FANCA: variants seen among roughly 807,000 people sequenced by gnomAD.
FANCA encodes Fanconi anemia group A protein.
In FANCA, 236 loss-of-function variants were observed where a neutral mutation model predicts 194.3. The observed-to-expected ratio is 1.21, with a 90% CI of 1.09 to 1.35. The LOEUF (loss-of-function observed/expected upper bound fraction) is 1.35. Among genes scored for constraint, FANCA ranks in the 40% most tolerant of loss-of-function variants. The pLI is 0.00. For missense variants in FANCA, 2,628 were observed against 1,813.9 expected (o/e 1.45, Z -8.15); for synonymous variants, 1,014 against 715.8 (o/e 1.42, Z -6.65).
Position 89,792,426 on chromosome 16 carries a change from C to T in FANCA, c.1083+45G>A, listed in dbSNP as rs964165403. 5 of 1,580,446 alleles carry T rather than the reference C, an allele frequency of 3.2e-6. 1 individual carries two copies. In the African/African-American group the frequency reaches 6.7e-5, roughly 21 times the overall value. On this transcript the variant is annotated intron_variant, in intron 12 of 42. Transcript: ENST00000389301. ...ACAAGTACTAGGCAGATCTTAATCC[C>T]CCCGCCACGAGCTCAGAAGCAGGTA... is the stretch of plus-strand genomic sequence containing the variant.
intron 14 of FANCA, 68 bp from the exon 15 acceptor site, chr16:89,785,032 G>C: frequency 6.2e-6 from 7 of 1,130,918 alleles, no homozygotes; most frequent in South Asian, 2.5e-5. Context: ...GCAGTGTCCT[G>C]TGTGGAGAGA....
intron 6 of FANCA, 42 bp from the exon 7 acceptor site, chr16:89,805,434 C>G (rs780082205): frequency 6.6e-7 from 1 of 1,506,896 alleles, no homozygotes; most frequent in Non-Finnish European, 9.2e-7. Context: ...TCAACTAAAT[C>G]CCATCATCAG....
chr16:89,781,782 G>T (rs1285144488), intron 17 of FANCA, among the ~76,000 whole-genome samples: 17 of 150,602 alleles, frequency 1.1e-4, no homozygotes, highest in Admixed American at 1.1e-3. Flanking sequence ...GGCGGATCAC[G>T]AGGTCAGGAG....
intron 28 of FANCA, chr16:89,762,885 G>A (rs2038999127): frequency 3.1e-6 from 1 of 319,854 alleles, no homozygotes; most frequent in Non-Finnish European, 6.5e-6. Context: ...GGCAGATCAC[G>A]AGGTCAGCAG....
intron 2 of FANCA, among the ~76,000 whole-genome samples, chr16:89,815,284 AC>A (rs1215189804): frequency 7.8e-6 from 1 of 128,066 alleles, no homozygotes; most frequent in Non-Finnish European, 1.6e-5. Context: ...TGATCTACCC[AC>A]TTCGGCCTCC....
rs2143678081 is a variant in FANCA, at chr16:89,810,808, AAG to A, written c.427-8_427-7del. The A allele has an allele frequency of 4.3e-6, 7 of 1,612,720 alleles. No homozygotes were observed. Among genetic ancestry groups the A allele is most frequent in the Non-Finnish European group, 5.9e-6 (7 of 1,178,636 alleles). ...AACAGGGAAGACAGCTTCTTCTGAA[AAG>A]AGAGATTACATTTTTTAAAAAACAA... On this transcript the variant is annotated splice_polypyrimidine_tract_variant and splice_region_variant and intron_variant, in intron 4 of 42. Transcript: ENST00000389301.
chr16:89,778,928 G>T lies in FANCA; in HGVS notation c.1776+15C>A. On this transcript the variant is annotated intron_variant, in intron 19 of 42. Transcript: ENST00000389301. ...CTACACAACTGGTCACAAACTCATG[G>T]AGACGCATACTGACCACTCGAGGTG... is the stretch of plus-strand genomic sequence containing the variant. 1 of 1,614,164 alleles carries T rather than the reference G, an allele frequency of 6.2e-7. No homozygotes were observed. The highest frequency in any genetic ancestry group is 8.5e-7 in the Non-Finnish European group (1 of 1,180,020).
chr16:89,753,351 G>T (rs1401201388), intron 30 of FANCA, among the ~76,000 whole-genome samples: 1 of 152,158 alleles, frequency 6.6e-6, no homozygotes, highest in Non-Finnish European at 1.5e-5. Context: ...GTGGTCCCCC[G>T]GGCCCAGCTG....
chr16:89,802,282 T>C (rs866346339), intron 8 of FANCA, among the ~76,000 whole-genome samples: 4 of 150,758 alleles, frequency 2.7e-5, no homozygotes, highest in South Asian at 2.1e-4. Context: ...TTTTTTTTTT[T>C]ACTAGAGACA....
intron 35 of FANCA, among the ~76,000 whole-genome samples, chr16:89,745,407 C>T (rs1489436422): frequency 2.0e-5 from 3 of 151,004 alleles, no homozygotes; most frequent in Non-Finnish European, 2.9e-5. Flanking sequence ...GAAGGGACCA[C>T]ACTCCTCTGA....
intron 2 of FANCA, 31 bp downstream of exon 2, chr16:89,815,846 T>C: frequency 6.5e-7 from 1 of 1,539,382 alleles, no homozygotes. Flanking sequence ...AACCTAAATC[T>C]GCCCGCAGAC....
At position 89,769,736 on chromosome 16, in the gene FANCA, G is replaced by C. The variant is rs1433046047; in HGVS notation, c.2504+101C>G. The C allele has an allele frequency of 3.7e-6, 5 of 1,344,864 alleles. No homozygotes were observed. In the African/African-American group the frequency reaches 7.3e-5, roughly 20 times the overall value. 83.3% of individuals were successfully genotyped at this position (1,344,864 alleles called of 1,614,324 possible). A position where few individuals can be genotyped will look rare whatever the true frequency, so the allele number is the denominator to read the frequency against. On this transcript the variant is annotated intron_variant, in intron 26 of 42. Coordinates refer to ENST00000389301, the MANE Select transcript of FANCA (RefSeq NM_000135.4). ...AATGCTAAAAAGTGGTTATCTTTGG[G>C]TGGTATGTCTGCATGTCTGTCTCTT...
chr16:89,767,847 C>G (rs1273003945), intron 26 of FANCA, among the ~76,000 whole-genome samples: 1 of 152,122 alleles, frequency 6.6e-6, no homozygotes, highest in East Asian at 1.9e-4. Context: ...TGCAACCAGT[C>G]GAGTTTTTAA....
intron 6 of FANCA, among the ~76,000 whole-genome samples, chr16:89,807,353 A>G (rs941636183): frequency 6.6e-6 from 1 of 151,888 alleles, no homozygotes; most frequent in African/African-American, 2.4e-5. Context: ...GCTACTGAGG[A>G]GGCAGGGGCA....
At chr16:89,797,234 G>A (rs1359655276) in intron 10 of FANCA, among the ~76,000 whole-genome samples, 1 of 152,176 alleles carries the variant, frequency 6.6e-6, no homozygotes, top group African/African-American at 2.4e-5. Context: ...GGGAGGCTGA[G>A]GCAGGAGAAT....
chr16:89,792,388 G>A (rs1003764823), intron 12 of FANCA, 83 bp downstream of exon 12: 11 of 1,425,878 alleles, frequency 7.7e-6, no homozygotes, highest in African/African-American at 5.6e-5. Flanking sequence ...TGCCGTCCAC[G>A]GCAGGCAGCA....
intron 3 of FANCA, among the ~76,000 whole-genome samples, chr16:89,813,276 C>T (rs867922223): frequency 1.3e-5 from 2 of 151,778 alleles, no homozygotes; most frequent in African/African-American, 2.4e-5. Flanking sequence ...GGCATGGTGG[C>T]GCACACCTGT....
At chr16:89,739,005 A>T in intron 41 of FANCA, 31 bp from the exon 42 acceptor site, 1 of 1,614,166 alleles carries the variant, frequency 6.2e-7, no homozygotes, top group Non-Finnish European at 8.5e-7. Flanking sequence ...CTCACAGGTT[A>T]GAAGACATAC....
chr16:89,769,126 C>G (rs2039232729), intron 26 of FANCA, among the ~76,000 whole-genome samples: 1 of 152,204 alleles, frequency 6.6e-6, no homozygotes, highest in Non-Finnish European at 1.5e-5. Context: ...CAGACCCTGT[C>G]ATAATGTCAG....
Sources: gnomAD v4.1 joint callset for allele counts (sites outside exome capture counted in the v4.1 genomes callset) on GRCh38, gnomAD v4.1.1 for gene constraint, MANE v1.5 for transcripts, NCBI Gene and HGNC (gene_info 2026-07-23, HGNC 2026-07-21) for gene names.